Variants in MRPS6 observed in about 807,000 individuals in gnomAD.
The protein encoded by MRPS6 is mitochondrial ribosomal protein S6, also known as small ribosomal subunit protein bS6m.
Under a neutral mutation model 13.1 loss-of-function variants are expected in MRPS6, and 6 were observed. That is an observed-to-expected ratio of 0.46 (90% CI 0.25 to 0.91). MRPS6 has a LOEUF of 0.91. Among genes scored for constraint, MRPS6 ranks in the 40% least tolerant of loss-of-function variants. The probability of loss-of-function intolerance (pLI) is 0.18; values close to 1 mark genes in which losing one functional copy is unlikely to be tolerated. For synonymous variants in MRPS6, 61 were observed against 56.5 expected (o/e 1.08, Z -0.36); for missense variants, 164 against 155.6 (o/e 1.05, Z -0.29).
rs745889764 is a variant in MRPS6 at position 34,096,262 on chromosome 21, T to C, written c.45+22517T>C. ...TCCAATATTGCTTACCCACGCCTGG[T>C]GATGAAGCTGGTTCCTGTGGGCCTT... On this transcript the variant is annotated intron_variant, in intron 1 of 2. Coordinates refer to ENST00000399312, the MANE Select transcript of MRPS6 (RefSeq NM_032476.4). This position sits in a 1 kb window ranked among gnomAD's most constrained non-coding sequence, Gnocchi z 5.9. The C allele has an allele frequency of 6.8e-6, 11 of 1,613,998 alleles. No homozygotes were observed. Among genetic ancestry groups the C allele is most frequent in the Non-Finnish European group, 8.5e-6 (10 of 1,180,016 alleles).
intron 1 of MRPS6, 78 bp downstream of exon 1, chr21:34,073,823 C>A: frequency 8.6e-7 from 1 of 1,162,160 alleles, no homozygotes; most frequent in Non-Finnish European, 1.1e-6. Context: ...CCCGCGCGCC[C>A]TGGCCGCGGG....
Position 34,096,248 on chromosome 21 carries a change from T to G in MRPS6, c.45+22503T>G. 4 of 1,614,154 alleles carry G rather than the reference T, an allele frequency of 2.5e-6. No homozygotes were observed. The highest frequency in any genetic ancestry group is 1.1e-5 in the South Asian group (1 of 91,082). ...GCAGAGCTGGTTGCTCCAATATTGC[T>G]TACCCACGCCTGGTGATGAAGCTGG... On this transcript the variant is annotated intron_variant, in intron 1 of 2. Coordinates refer to ENST00000399312, the MANE Select transcript of MRPS6 (RefSeq NM_032476.4). The surrounding 1 kb of genome is among the most constrained non-coding windows in gnomAD (Gnocchi z 5.9).
At chr21:34,100,156 G>A in intron 1 of MRPS6, 3 of 999,924 alleles carry the variant, frequency 3.0e-6, no homozygotes, top group Non-Finnish European at 3.6e-6. Context: ...TCAAAATGAG[G>A]TGAGGACACT....
chr21:34,123,063 TA>T (rs1980176638), intron 1 of MRPS6: 1 of 152,216 alleles, frequency 6.6e-6, no homozygotes, highest in Non-Finnish European at 1.5e-5. Flanking sequence ...TGTTTTATCT[TA>T]AGGTTGGTTA....
intron 1 of MRPS6, among the ~76,000 whole-genome samples, chr21:34,118,224 A>G (rs1979997364): frequency 6.6e-6 from 1 of 151,982 alleles, no homozygotes; most frequent in Admixed American, 6.6e-5. Flanking sequence ...TAAACTTTGG[A>G]CTCCCCAGAA....
intron 1 of MRPS6, chr21:34,098,005 T>G: frequency 1.0e-5 from 10 of 997,868 alleles, no homozygotes; most frequent in Non-Finnish European, 1.2e-5. Flanking sequence ...TTTTTTTTTC[T>G]TTCTACTTTC....
intron 1 of MRPS6, among the ~76,000 whole-genome samples, chr21:34,109,092 G>A (rs1733058188): frequency 6.6e-6 from 1 of 152,006 alleles, no homozygotes; most frequent in African/African-American, 2.4e-5. Flanking sequence ...AATTTCTGTT[G>A]AGTTTTTCAA....
At chr21:34,074,835 A>C (rs1308366891) in intron 1 of MRPS6, among the ~76,000 whole-genome samples, 1 of 152,228 alleles carries the variant, frequency 6.6e-6, no homozygotes, top group Non-Finnish European at 1.5e-5. Flanking sequence ...GGTTGAACTT[A>C]AGCTCAATTG....
intron 2 of MRPS6, among the ~76,000 whole-genome samples, chr21:34,134,477 G>T (rs1398782924): frequency 6.6e-6 from 1 of 152,122 alleles, no homozygotes; most frequent in Non-Finnish European, 1.5e-5. Context: ...CTTCTAAACT[G>T]CCATTTTAAA....
At chr21:34,135,749 G>T in intron 2 of MRPS6, 1 of 460,830 alleles carries the variant, frequency 2.2e-6, no homozygotes. Flanking sequence ...GTGAGCAGGT[G>T]GATGAAATGG....
intron 1 of MRPS6, chr21:34,103,101 C>T (rs1979320394): frequency 1.0e-6 from 1 of 999,828 alleles, no homozygotes; most frequent in Admixed American, 6.2e-5. Context: ...TAATTGGAAA[C>T]AGAAACGAGG....
intron 2 of MRPS6, among the ~76,000 whole-genome samples, chr21:34,139,662 GGACCT>G (rs1165337081): frequency 1.3e-5 from 2 of 152,130 alleles, no homozygotes; most frequent in African/African-American, 4.8e-5. Flanking sequence ...ACTGCAGCGT[GGACCT>G]CCTGGGTTCA....
chr21:34,074,819 A>G (rs1989286813), intron 1 of MRPS6, among the ~76,000 whole-genome samples: 1 of 152,198 alleles, frequency 6.6e-6, no homozygotes, highest in East Asian at 1.9e-4. Flanking sequence ...GAGTATTACC[A>G]AGTTTGGTTG....
At chr21:34,092,633 A>G (rs1478642326) in intron 1 of MRPS6, among the ~76,000 whole-genome samples, 1 of 152,232 alleles carries the variant, frequency 6.6e-6, no homozygotes, top group Non-Finnish European at 1.5e-5. Flanking sequence ...CAGATTTGAC[A>G]ATGAAGAACA....
At chr21:34,095,961 A>G (rs1193361285) in intron 1 of MRPS6, 6 of 1,614,120 alleles carry the variant, frequency 3.7e-6, no homozygotes, top group Non-Finnish European at 5.1e-6. Flanking sequence ...GCGGAATCCA[A>G]CAGATGAAGA....
chr21:34,093,416 C>CT (rs1446087302), intron 1 of MRPS6, among the ~76,000 whole-genome samples: 1 of 152,060 alleles, frequency 6.6e-6, no homozygotes, highest in Non-Finnish European at 1.5e-5. Flanking sequence ...TGCATTAGAC[C>CT]TAAGAACCTA....
chr21:34,131,570 T>G (rs1181863212), intron 2 of MRPS6, among the ~76,000 whole-genome samples: 4 of 152,176 alleles, frequency 2.6e-5, no homozygotes, highest in Admixed American at 6.5e-5. Context: ...CTCCCATTTT[T>G]GTAGGTCTCT....
At chr21:34,108,296 A>G (rs1979563491) in intron 1 of MRPS6, among the ~76,000 whole-genome samples, 2 of 152,024 alleles carry the variant, frequency 1.3e-5, no homozygotes, top group South Asian at 4.1e-4. Flanking sequence ...CCATATTTTG[A>G]CTGGACCTTT....
intron 1 of MRPS6, among the ~76,000 whole-genome samples, chr21:34,080,367 G>A (rs1470600646): frequency 1.3e-5 from 2 of 152,006 alleles, no homozygotes; most frequent in Admixed American, 6.6e-5. Flanking sequence ...TCATCTTTCA[G>A]TTTTTTTCCA....
Sources: allele counts gnomAD v4.1 joint callset (sites outside exome capture counted in the v4.1 genomes callset), GRCh38; gene constraint gnomAD v4.1.1; non-coding constraint Gnocchi (gnomAD v3.1); transcripts MANE v1.5; gene names NCBI Gene and HGNC (gene_info 2026-07-23, HGNC 2026-07-21).